The following APP variants were observed in gnomAD, a reference collection of about 807,000 sequenced individuals.
APP encodes amyloid beta precursor protein.
APP carries 31 observed loss-of-function variants against 101.4 expected under a neutral mutation model. The observed-to-expected ratio is 0.31, with a 90% CI of 0.23 to 0.41. APP has a LOEUF of 0.41. APP is among the 10% of genes least tolerant of loss of function. APP has a pLI of 1.00. For missense variants in APP, 839 were observed against 1,003.7 expected, an observed-to-expected ratio of 0.84 and a Z score of 2.22; for synonymous variants, 366 against 364.4, an observed-to-expected ratio of 1.00 and a Z score of -0.05.
At chr21:26,139,255 A>C (rs2062989544) in intron 1 of APP, among the ~76,000 whole-genome samples, 1 of 152,262 alleles carries the variant, frequency 6.6e-6, no homozygotes, top group African/African-American at 2.4e-5. Context: ...AGGTCCCCAG[A>C]CCTAGAGTGA....
intron 13 of APP, among the ~76,000 whole-genome samples, chr21:25,928,126 C>T (rs1461383887): frequency 6.6e-6 from 1 of 151,900 alleles, no homozygotes; most frequent in Non-Finnish European, 1.5e-5. Flanking sequence ...GGGCGGTTCA[C>T]GAGGTCAGGA....
intron 13 of APP, among the ~76,000 whole-genome samples, chr21:25,925,489 G>A (rs1273119586): frequency 6.6e-6 from 1 of 152,070 alleles, no homozygotes; most frequent in African/African-American, 2.4e-5. Flanking sequence ...CCAGATCCAG[G>A]GAATCAGAAT....
chr21:26,145,540 G>A (rs948328901), intron 1 of APP, among the ~76,000 whole-genome samples: 11 of 152,260 alleles, frequency 7.2e-5, no homozygotes, highest in African/African-American at 2.2e-4. Flanking sequence ...TGTGTGGCCC[G>A]GTTCCTAGCA....
rs755929839 is a variant in APP at position 25,881,762 on chromosome 21, C to T, written c.2221G>A (p.Ala741Thr). Residue 741 changes from alanine to threonine, a missense_variant, in exon 18 of 18, where the codon GCT (alanine) becomes ACT (threonine). By Grantham distance (58) the Ala-to-Thr change is moderately conservative. Transcript: ENST00000346798. Reference sequence around the variant, plus strand: ...AGGTGGCGCTCCTCTGGGGTGACAGCGGCGTCAACCTGAAAAACAAGAGGA... The same window carrying T: ...AGGTGGCGCTCCTCTGGGGTGACAGTGGCGTCAACCTGAAAAACAAGAGGA... Reference protein sequence around the residue: ...IHHGVVEVDAAVTPEERHLSK... With the variant: ...IHHGVVEVDATVTPEERHLSK... The T allele has an allele frequency of 7.4e-6, 12 of 1,613,106 alleles. No individual in the cohort carries two copies. Among genetic ancestry groups the T allele is most frequent in the South Asian group, 4.4e-5 (4 of 91,044 alleles).
chr21:26,083,498 G>A (rs1330291148), intron 3 of APP, among the ~76,000 whole-genome samples: 1 of 152,206 alleles, frequency 6.6e-6, no homozygotes, highest in African/African-American at 2.4e-5. Flanking sequence ...CTGCAAGGAA[G>A]CCAAATGGTT....
At chr21:26,015,265 A>AT (rs5843200) in intron 6 of APP, among the ~76,000 whole-genome samples, 152,335 of 152,336 alleles carry the variant, frequency 1, 76,167 homozygotes, top group Non-Finnish European at 1. Flanking sequence ...CGGAATGATG[A>AT]TATAACCATA....
At chr21:25,936,064 T>TGAGGAA (rs956441206) in intron 13 of APP, among the ~76,000 whole-genome samples, 92 of 152,210 alleles carry the variant, frequency 6.0e-4, no homozygotes, top group African/African-American at 2.0e-3. Flanking sequence ...AGACAGTAGC[T>TGAGGAA]GAGGAACGAT....
At chr21:26,011,459 C>G (rs1189287040) in intron 6 of APP, among the ~76,000 whole-genome samples, 1 of 152,054 alleles carries the variant, frequency 6.6e-6, no homozygotes, top group Non-Finnish European at 1.5e-5. Flanking sequence ...GAGTCTATCC[C>G]CTACTCCTCC....
intron 1 of APP, among the ~76,000 whole-genome samples, chr21:26,146,962 C>A (rs554099701): frequency 6.6e-6 from 1 of 152,212 alleles, no homozygotes; most frequent in African/African-American, 2.4e-5. Flanking sequence ...TCCATCTTTC[C>A]CCTTTCTGAT....
At chr21:26,163,255 A>C (rs1173393522) in intron 1 of APP, among the ~76,000 whole-genome samples, 1 of 150,532 alleles carries the variant, frequency 6.6e-6, no homozygotes, top group African/African-American at 2.4e-5. Context: ...AAAAAAAAAA[A>C]AAAAAAAAAA....
intron 8 of APP, among the ~76,000 whole-genome samples, chr21:25,985,252 G>A: frequency 6.6e-6 from 1 of 152,116 alleles, no homozygotes; most frequent in East Asian, 1.9e-4. Flanking sequence ...TATTTCTGTG[G>A]TAATTAATTT....
chr21:25,974,871 G>A (rs1189926339), intron 11 of APP, among the ~76,000 whole-genome samples, 199 bp downstream of exon 11: 2 of 152,198 alleles, frequency 1.3e-5, no homozygotes, highest in Non-Finnish European at 2.9e-5. Flanking sequence ...AGTACCTGCT[G>A]TGTAGAGATG....
intron 3 of APP, among the ~76,000 whole-genome samples, chr21:26,081,025 T>C (rs2061588799): frequency 6.6e-6 from 1 of 152,188 alleles, no homozygotes; most frequent in Non-Finnish European, 1.5e-5. Flanking sequence ...CTACAGGGTA[T>C]CTTTTTAATA....
chr21:25,894,205 G>A (rs893072232), intron 16 of APP, among the ~76,000 whole-genome samples: 1 of 152,156 alleles, frequency 6.6e-6, no homozygotes, highest in Admixed American at 6.5e-5. Flanking sequence ...GAGCTCTGAA[G>A]GACAGGTACA....
chr21:25,888,083 G>GT (rs2037457652), intron 17 of APP, among the ~76,000 whole-genome samples: 1 of 152,164 alleles, frequency 6.6e-6, no homozygotes, highest in Admixed American at 6.6e-5. Context: ...ACGATGGTAT[G>GT]TAAGTACAAT....
At chr21:26,111,525 C>G (rs1050871088) in intron 2 of APP, among the ~76,000 whole-genome samples, 1 of 151,954 alleles carries the variant, frequency 6.6e-6, no homozygotes, top group Non-Finnish European at 1.5e-5. Context: ...TCGCTTGAGC[C>G]CAGGAGTTTC....
intron 6 of APP, among the ~76,000 whole-genome samples, chr21:26,015,755 T>C (rs1298406666): frequency 1.3e-5 from 2 of 151,486 alleles, no homozygotes; most frequent in African/African-American, 4.9e-5. Context: ...TAGAAAGAAC[T>C]TCACAGTCAC....
chr21:25,976,696 T>G (rs917414662), intron 9 of APP, among the ~76,000 whole-genome samples: 7 of 152,184 alleles, frequency 4.6e-5, no homozygotes, highest in African/African-American at 1.4e-4. Context: ...CAAACATGTA[T>G]TTTTTTACAA....
chr21:25,972,452 CA>C (rs2042067243), intron 11 of APP, among the ~76,000 whole-genome samples: 1 of 151,684 alleles, frequency 6.6e-6, no homozygotes, highest in South Asian at 2.1e-4. Flanking sequence ...TTTTACCCAG[CA>C]AAAATATTTT....
Sources: allele counts gnomAD v4.1 joint callset (sites outside exome capture counted in the v4.1 genomes callset), GRCh38; gene constraint gnomAD v4.1.1; transcripts MANE v1.5; gene names NCBI Gene and HGNC (gene_info 2026-07-23, HGNC 2026-07-21).